Variants in NAV3 observed in about 807,000 individuals in gnomAD.
NAV3 encodes the protein pore membrane and/or filament interacting like protein 1.
A neutral mutation model predicts 244.7 loss-of-function variants in NAV3; 87 were observed. The observed-to-expected ratio is 0.36, with a 90% CI of 0.30 to 0.42. NAV3 has a LOEUF of 0.42. Among genes scored for constraint, NAV3 ranks in the 20% least tolerant of loss-of-function variants. The probability of loss-of-function intolerance (pLI) is 1.00; values close to 1 mark genes in which losing one functional copy is unlikely to be tolerated. For synonymous variants in NAV3, 1,126 were observed against 1,042.2 expected (o/e 1.08, Z -1.55); for missense variants, 2,663 against 2,893.3 (o/e 0.92, Z 1.83).
intron 2 of NAV3, among the ~76,000 whole-genome samples, chr12:77,822,020 A>AT (rs1192464773): frequency 2.6e-5 from 4 of 151,730 alleles, no homozygotes; most frequent in East Asian, 1.9e-4. Flanking sequence ...CCAGATGTGT[A>AT]TTTTTTTTCA....
chr12:78,129,116 A>G (rs1956053197), intron 18 of NAV3, among the ~76,000 whole-genome samples: 1 of 152,190 alleles, frequency 6.6e-6, no homozygotes, highest in African/African-American at 2.4e-5. Context: ...TAGGCTCCAG[A>G]GGCTCAGAAA....
At chr12:77,626,647 A>G (rs1774121290) in intron 2 of NAV3, among the ~76,000 whole-genome samples, 1 of 152,146 alleles carries the variant, frequency 6.6e-6, no homozygotes, top group African/African-American at 2.4e-5. Flanking sequence ...TGATATATTC[A>G]AAGTGCTGCA....
rs536119941 is a variant in NAV3, at chr12:77,699,347, A to G, written c.72+127081A>G. Among the ~76,000 whole-genome samples the G allele has an allele frequency of 2.0e-5, 3 of 152,248 alleles. No individual in the cohort carries two copies. The South Asian group carries it at 6.2e-4, about 32-fold the overall frequency. On this transcript the variant is annotated intron_variant, in intron 2 of 8. Coordinates refer to the NAV3 transcript ENST00000550042. ...CTGTAGTATTCTAATATGATTCCCC[A>G]ATGAAATCTTGTAGTTGTCAAATAT... is the stretch of plus-strand genomic sequence containing the variant.
chr12:78,002,484 C>A (rs1246823767), intron 7 of NAV3, among the ~76,000 whole-genome samples: 1 of 152,168 alleles, frequency 6.6e-6, no homozygotes, highest in Non-Finnish European at 1.5e-5. Flanking sequence ...GATTTAGCAA[C>A]ATTTTAATTC....
chr12:77,609,707 A>G (rs936419259), intron 2 of NAV3, among the ~76,000 whole-genome samples: 1 of 150,878 alleles, frequency 6.6e-6, no homozygotes, highest in African/African-American at 2.4e-5. Flanking sequence ...AGTTTATGCC[A>G]GTATCTTTCC....
intron 23 of NAV3, among the ~76,000 whole-genome samples, chr12:78,168,141 G>T (rs1957855499): frequency 6.6e-6 from 1 of 151,454 alleles, no homozygotes; most frequent in Admixed American, 6.6e-5. Context: ...GTGAGACTAG[G>T]TCTCCACATT....
At chr12:78,047,210 A>T (rs1881955695) in intron 9 of NAV3, among the ~76,000 whole-genome samples, 1 of 152,162 alleles carries the variant, frequency 6.6e-6, no homozygotes, top group Admixed American at 6.6e-5. Context: ...TGTTGAGGCC[A>T]GGTGCGGTGG....
chr12:77,767,054 G>T (rs899133604), intron 2 of NAV3, among the ~76,000 whole-genome samples: 2 of 152,044 alleles, frequency 1.3e-5, no homozygotes, highest in Non-Finnish European at 2.9e-5. Context: ...GCCCAGCCAA[G>T]AATTTTTTTA....
intron 3 of NAV3, among the ~76,000 whole-genome samples, chr12:77,942,143 C>T (rs546460801): frequency 2.0e-5 from 3 of 152,118 alleles, no homozygotes; most frequent in East Asian, 1.9e-4. Context: ...GATGCCAAGG[C>T]GGGTGGATGA....
At chr12:77,657,336 C>T (rs1316946572) in intron 2 of NAV3, among the ~76,000 whole-genome samples, 4 of 152,214 alleles carry the variant, frequency 2.6e-5, no homozygotes, top group Non-Finnish European at 2.9e-5. Context: ...CACCTCTACA[C>T]AAATAAGCTA....
At chr12:77,776,083 G>T (rs1172937614) in intron 2 of NAV3, among the ~76,000 whole-genome samples, 1 of 152,136 alleles carries the variant, frequency 6.6e-6, no homozygotes, top group Non-Finnish European at 1.5e-5. Context: ...GGCACAACCT[G>T]CTGGACCATT....
intron 1 of NAV3, among the ~76,000 whole-genome samples, chr12:77,896,616 A>T (rs1884660167): frequency 6.6e-6 from 1 of 152,202 alleles, no homozygotes; most frequent in Non-Finnish European, 1.5e-5. Flanking sequence ...ACAAATGAAC[A>T]TAACAATTGC....
chr12:77,596,659 C>T (rs369577902), intron 2 of NAV3, among the ~76,000 whole-genome samples: 1 of 151,834 alleles, frequency 6.6e-6, no homozygotes, highest in East Asian at 1.9e-4. Context: ...ACTCAAAGAA[C>T]AAGAGAGAAA....
chr12:78,168,022 C>T (rs1382288386), intron 23 of NAV3, among the ~76,000 whole-genome samples: 1 of 151,460 alleles, frequency 6.6e-6, no homozygotes, highest in Non-Finnish European at 1.5e-5. Flanking sequence ...AAAATATATG[C>T]TTTATTAAAA....
chr12:78,036,710 A>G, intron 9 of NAV3: 1 of 564,052 alleles, frequency 1.8e-6, no homozygotes, highest in South Asian at 2.5e-5. Flanking sequence ...GCAAATAATT[A>G]TATATACTAT....
chr12:78,077,766 C>T (rs1026409959), intron 12 of NAV3, among the ~76,000 whole-genome samples: 1 of 152,088 alleles, frequency 6.6e-6, no homozygotes, highest in African/African-American at 2.4e-5. Context: ...GGTGAAACCC[C>T]GTCTCTACTA....
At chr12:78,171,585 G>T (rs1248036681) in intron 24 of NAV3, among the ~76,000 whole-genome samples, 3 of 151,524 alleles carry the variant, frequency 2.0e-5, no homozygotes, top group African/African-American at 7.3e-5. Flanking sequence ...TAGTTAGATT[G>T]TATTTCTGTA....
At chr12:77,756,330 A>T (rs1196605431) in intron 2 of NAV3, among the ~76,000 whole-genome samples, 1 of 152,204 alleles carries the variant, frequency 6.6e-6, no homozygotes, top group African/African-American at 2.4e-5. Flanking sequence ...CAGTTTATGC[A>T]TATCATGCTG....
At chr12:77,660,943 A>G (rs1167664503) in intron 2 of NAV3, among the ~76,000 whole-genome samples, 1 of 152,118 alleles carries the variant, frequency 6.6e-6, no homozygotes, top group African/African-American at 2.4e-5. Flanking sequence ...TTATTGCTGA[A>G]TAGTATTCCA....
Sources: allele counts gnomAD v4.1 joint callset (sites outside exome capture counted in the v4.1 genomes callset), GRCh38; gene constraint gnomAD v4.1.1; transcripts MANE v1.5; gene names NCBI Gene and HGNC (gene_info 2026-07-23, HGNC 2026-07-21).